SEMA6D: variants seen among roughly 807,000 people sequenced by gnomAD.
SEMA6D encodes semaphorin-6D.
Under a neutral mutation model 106.6 loss-of-function variants are expected in SEMA6D, and 35 were observed. The observed-to-expected ratio is 0.33, with a 90% CI of 0.25 to 0.44. The LOEUF (loss-of-function observed/expected upper bound fraction) is 0.44. Among genes scored for constraint, SEMA6D ranks in the 20% least tolerant of loss-of-function variants. The pLI, the probability that SEMA6D is intolerant of heterozygous loss-of-function variation, is 1.00. For synonymous variants in SEMA6D, 499 were observed against 487.7 expected (o/e 1.02, Z -0.31); for missense variants, 1,185 against 1,345.9 (o/e 0.88, Z 1.87).
chr15:47,317,688 G>T (rs1288653931), intron 1 of SEMA6D, among the ~76,000 whole-genome samples: 1 of 151,932 alleles, frequency 6.6e-6, no homozygotes. Context: ...TTCCATTCTC[G>T]TATTGCTCGC....
chr15:47,184,387 A>G (rs557470763), exon 1 of SEMA6D: 1 of 152,402 alleles, frequency 6.6e-6, no homozygotes, highest in Non-Finnish European at 1.5e-5. Flanking sequence ...CCGAGTCCGA[A>G]GCGGGAGTCA....
chr15:47,502,334 A>C (rs1372479017), intron 3 of SEMA6D, among the ~76,000 whole-genome samples: 2 of 152,176 alleles, frequency 1.3e-5, no homozygotes, highest in African/African-American at 2.4e-5. Context: ...GGAGAGAGAG[A>C]ACATAAATAA....
At chr15:47,333,078 G>A (rs978954751) in intron 1 of SEMA6D, among the ~76,000 whole-genome samples, 8 of 152,146 alleles carry the variant, frequency 5.3e-5, no homozygotes, top group Admixed American at 6.5e-5. Flanking sequence ...CACTTTCATC[G>A]TTGTGTATTG....
intron 1 of SEMA6D, among the ~76,000 whole-genome samples, chr15:47,284,322 AGT>A (rs754526636): frequency 2.8e-4 from 43 of 152,252 alleles, no homozygotes; most frequent in Admixed American, 5.9e-4. Flanking sequence ...AAAGTCACAA[AGT>A]GTAATAGAAA....
chr15:47,280,241 C>G (rs1183802985), intron 1 of SEMA6D, among the ~76,000 whole-genome samples: 1 of 152,090 alleles, frequency 6.6e-6, no homozygotes, highest in African/African-American at 2.4e-5. Flanking sequence ...CAACTTCTTC[C>G]TGGCTTAGTC....
chr15:47,395,301 C>A (rs2145886300), intron 1 of SEMA6D, among the ~76,000 whole-genome samples: 1 of 152,136 alleles, frequency 6.6e-6, no homozygotes, highest in East Asian at 1.9e-4. Flanking sequence ...TTTAAAATGT[C>A]ATTGGAAAGT....
intron 18 of SEMA6D, 95 bp from the exon 19 acceptor site, chr15:47,770,402 A>G: frequency 9.6e-7 from 1 of 1,039,914 alleles, no homozygotes; most frequent in Non-Finnish European, 1.4e-6. Context: ...CATATGAACC[A>G]TATGAAGGTC....
At chr15:47,515,583 AT>A (rs984477974) in intron 3 of SEMA6D, among the ~76,000 whole-genome samples, 3 of 152,146 alleles carry the variant, frequency 2.0e-5, no homozygotes, top group Non-Finnish European at 2.9e-5. Context: ...AAACAGTAGG[AT>A]TTTTTTTCCC....
intron 3 of SEMA6D, among the ~76,000 whole-genome samples, chr15:47,558,056 A>G (rs1037088610): frequency 2.6e-5 from 4 of 152,020 alleles, no homozygotes; most frequent in Admixed American, 6.6e-5. Flanking sequence ...CCGTCCGTAG[A>G]CCTCTGATAC....
intron 1 of SEMA6D, chr15:47,730,130 A>G (rs2080019320): frequency 9.1e-7 from 1 of 1,097,976 alleles, no homozygotes; most frequent in Non-Finnish European, 1.4e-6. Flanking sequence ...AGAAAACTCA[A>G]CAGTGTACAT....
At chr15:47,560,905 G>A (rs1298719460) in intron 3 of SEMA6D, among the ~76,000 whole-genome samples, 1 of 152,006 alleles carries the variant, frequency 6.6e-6, no homozygotes, top group East Asian at 1.9e-4. Context: ...GGGGCATGGA[G>A]CAGATTCTTC....
intron 4 of SEMA6D, among the ~76,000 whole-genome samples, chr15:47,686,301 TTAAC>T (rs1215257748): frequency 6.6e-6 from 1 of 152,374 alleles, no homozygotes; most frequent in African/African-American, 2.4e-5. Context: ...GAAGAATTAC[TTAAC>T]TAAGTTCTAA....
intron 4 of SEMA6D, among the ~76,000 whole-genome samples, chr15:47,625,391 G>A (rs1281768223): frequency 6.6e-6 from 1 of 152,116 alleles, no homozygotes; most frequent in African/African-American, 2.4e-5. Flanking sequence ...TTAGATGGGT[G>A]GGCTTCACAT....
chr15:47,716,831 A>AT (rs1192282510), upstream of SEMA6D, among the ~76,000 whole-genome samples: 1 of 142,272 alleles, frequency 7.0e-6, no homozygotes, highest in Non-Finnish European at 1.5e-5. Context: ...TAGAAATGGG[A>AT]TTTTTAGTAG....
intron 1 of SEMA6D, among the ~76,000 whole-genome samples, chr15:47,302,082 T>C (rs373453604): frequency 6.6e-6 from 1 of 152,290 alleles, no homozygotes; most frequent in East Asian, 1.9e-4. Flanking sequence ...GCATACAGTT[T>C]ATCCCCTTAA....
intron 1 of SEMA6D, among the ~76,000 whole-genome samples, chr15:47,407,157 A>G (rs1181385758): frequency 6.6e-6 from 1 of 152,108 alleles, no homozygotes; most frequent in Non-Finnish European, 1.5e-5. Context: ...TGAGGTCAGG[A>G]GTTTGAGACC....
chr15:47,689,277 C>G (rs1381650390), intron 4 of SEMA6D, among the ~76,000 whole-genome samples: 3 of 152,206 alleles, frequency 2.0e-5, no homozygotes, highest in African/African-American at 7.2e-5. Flanking sequence ...TGGAATATCT[C>G]TAGGTTTGAT....
intron 3 of SEMA6D, among the ~76,000 whole-genome samples, chr15:47,477,593 T>G (rs982957170): frequency 8.5e-5 from 13 of 152,192 alleles, no homozygotes; most frequent in Non-Finnish European, 1.8e-4. Context: ...GTATTTAATG[T>G]TTTAATAAGC....
chr15:47,727,336 A>T (rs924643948), intron 1 of SEMA6D, among the ~76,000 whole-genome samples: 5 of 152,216 alleles, frequency 3.3e-5, no homozygotes, highest in African/African-American at 1.2e-4. Context: ...AATGAAGCCC[A>T]GTAGTCTGTG....
Sources: gnomAD v4.1 joint callset for allele counts (sites outside exome capture counted in the v4.1 genomes callset) on GRCh38, gnomAD v4.1.1 for gene constraint, MANE v1.5 for transcripts, NCBI Gene and HGNC (gene_info 2026-07-23, HGNC 2026-07-21) for gene names.